The following MFSD2B variants were observed in gnomAD, a reference collection of about 807,000 sequenced individuals.
The protein encoded by MFSD2B is sphingosine-1-phosphate transporter MFSD2B.
In MFSD2B, 56 loss-of-function variants were observed where a neutral mutation model predicts 58.4. The observed-to-expected ratio is 0.96, with a 90% CI of 0.77 to 1.20. MFSD2B has a LOEUF of 1.20. Ranked by LOEUF, MFSD2B falls within the 50% of genes most tolerant of loss-of-function variation. MFSD2B has a pLI of 0.00. For missense variants in MFSD2B, 645 were observed against 667.6 expected, an observed-to-expected ratio of 0.97 and a Z score of 0.37; for synonymous variants, 287 against 294.4, an observed-to-expected ratio of 0.97 and a Z score of 0.26.
Position 24,025,470 on chromosome 2 carries a change from G to T in MFSD2B, c.*14G>T. On this transcript the variant is annotated 3_prime_UTR_variant, in exon 14 of 14. Coordinates refer to ENST00000338315, the MANE Select transcript of MFSD2B (RefSeq NM_001346880.2). Reference sequence around the variant, plus strand: ...AGCCTGGCCTAAAGCTTAGGAGGGCGACTGTGAATGGACACAGGAGCCAGC... The same window carrying T: ...AGCCTGGCCTAAAGCTTAGGAGGGCTACTGTGAATGGACACAGGAGCCAGC... The T allele has an allele frequency of 6.5e-7, 1 of 1,535,676 alleles. No individual in the cohort carries two copies.
intron 3 of MFSD2B, 35 bp from the exon 4 acceptor site, chr2:24,016,810 C>T (rs759669239): frequency 5.6e-6 from 9 of 1,608,392 alleles, no homozygotes; most frequent in Admixed American, 1.7e-5. Context: ...CTGTCTGGGT[C>T]GGGGGGCCGC....
At position 24,017,527 on chromosome 2, in the gene MFSD2B, A is replaced by T; in HGVS notation, c.620A>T (p.His207Leu). 1.3e-6 allele frequency: 2 copies of T among 1,579,072 alleles called. No homozygotes were observed. ...CACGGGCTCATCGTGTCCGGCGCCC[A>T]CAGACCCCACAGGTGCGAGGCCACT... ...TVHGLIVSGA[H>L]RPHRCEATAT... The change falls in exon 6 of 14, where the codon CAC becomes CTC. Residue 207 changes from histidine (H) to leucine (L), a missense_variant. Physicochemically the swap from His to Leu is moderately conservative, Grantham distance 99. Coordinates refer to ENST00000338315, the MANE Select transcript of MFSD2B (RefSeq NM_001346880.2). The surrounding 1 kb of genome is among the most constrained non-coding windows in gnomAD (Gnocchi z 4.8).
At chr2:24,010,214 G>A (rs1708907758) in intron 1 of MFSD2B, 22 bp downstream of exon 1, 1 of 1,364,152 alleles carries the variant, frequency 7.3e-7, no homozygotes, top group South Asian at 1.7e-5. Context: ...GGCGGGGACC[G>A]GGAAGGGGCT....
In MFSD2B at chr2:24,017,525, C is replaced by T. The variant is rs1192746838; in HGVS notation, c.618C>T (p.Ala206=). 1.9e-6 allele frequency: 3 copies of T among 1,578,992 alleles called. No individual in the cohort carries two copies. The highest frequency in any genetic ancestry group is 1.3e-5 in the African/African-American group (1 of 74,236). Residue 206 remains alanine, a synonymous_variant, in exon 6 of 14, where the codon GCC becomes GCT. Coordinates refer to ENST00000338315, the MANE Select transcript of MFSD2B (RefSeq NM_001346880.2). This position sits in a 1 kb window ranked among gnomAD's most constrained non-coding sequence, Gnocchi z 4.8. ...ATVHGLIVSG[A]HRPHRCEATA... is the part of the protein sequence containing the mutation. ...TCCACGGGCTCATCGTGTCCGGCGC[C>T]CACAGACCCCACAGGTGCGAGGCCA... is the stretch of plus-strand genomic sequence containing the variant.
Position 24,023,016 on chromosome 2 carries a change from T to C in MFSD2B, c.1059+114T>C. On this transcript the variant is annotated intron_variant, in intron 10 of 13. Coordinates refer to ENST00000338315, the MANE Select transcript of MFSD2B (RefSeq NM_001346880.2). This position sits in a 1 kb window ranked among gnomAD's most constrained non-coding sequence, Gnocchi z 5.0. ...AGGGGTGGATCTGTGTTCCCTTGAGTCTTTAGGGCCTAGCACAGGGCAAGG... is the reference window on the plus strand; with the variant it reads ...AGGGGTGGATCTGTGTTCCCTTGAGCCTTTAGGGCCTAGCACAGGGCAAGG... 7.5e-7 allele frequency: 1 copy of C among 1,335,510 alleles called. No homozygotes were observed. Among genetic ancestry groups the C allele is most frequent in the Non-Finnish European group, 1.1e-6 (1 of 940,136 alleles). The allele number at this position is 1,335,510 out of a possible 1,614,324, so 82.7% of individuals were successfully genotyped here.
In MFSD2B at chr2:24,022,713, C is replaced by A. The variant is rs538231603; in HGVS notation, c.979-109C>A. 18 of 932,588 alleles carry A rather than the reference C, an allele frequency of 1.9e-5. No individual in the cohort carries two copies. The African/African-American group carries it at 3.0e-4, about 16-fold the overall frequency. 57.8% of individuals were successfully genotyped at this position (932,588 alleles called of 1,614,324 possible). A position where few individuals can be genotyped will look rare whatever the true frequency, so the allele number is the denominator to read the frequency against. ...CAACATTCATAGCCACCGGTTTGAA[C>A]CAGGGGCAAGGCCAAGGTCAGGCAT... is the stretch of plus-strand genomic sequence containing the variant. On this transcript the variant is annotated intron_variant, in intron 9 of 13. Coordinates refer to ENST00000338315, the MANE Select transcript of MFSD2B (RefSeq NM_001346880.2). This position sits in a 1 kb window ranked among gnomAD's most constrained non-coding sequence, Gnocchi z 4.5.
In MFSD2B at chr2:24,021,882, G is replaced by A. The variant is rs764858377; in HGVS notation, c.806G>A (p.Ser269Asn). 2 of 1,613,906 alleles carry A rather than the reference G, an allele frequency of 1.2e-6. No individual in the cohort carries two copies. The highest frequency in any genetic ancestry group is 1.3e-5 in the African/African-American group (1 of 74,948). Reference protein sequence around the residue: ...PSAPASGPGLSFLAGLSLTTR... With the variant: ...PSAPASGPGLNFLAGLSLTTR... ...GCCCCAGCCTCAGGCCCAGGCTTGA[G>A]TTTCCTGGCTGGGCTGAGCCTCACT... Residue 269 changes from serine to asparagine, a missense_variant, in exon 8 of 14, where the codon AGT (serine) becomes AAT (asparagine). By Grantham distance (46) the Ser-to-Asn change is conservative. Coordinates refer to ENST00000338315, the MANE Select transcript of MFSD2B (RefSeq NM_001346880.2). This position sits in a 1 kb window ranked among gnomAD's most constrained non-coding sequence, Gnocchi z 5.7.
chr2:24,012,153 C>A lies in MFSD2B; in HGVS notation c.97-1132C>A, dbSNP rs1303951791. Among the ~76,000 whole-genome samples the A allele has an allele frequency of 6.7e-5, 4 of 59,412 alleles. No individual in the cohort carries two copies. The highest frequency in any genetic ancestry group is 1.5e-3 in the East Asian group (2 of 1,314). 39.0% of individuals were successfully genotyped at this position (59,412 alleles called of 152,430 possible). ...GAAACAAACAAACAAACAAACAAAA[C>A]ACACACACACACACACACACACACA... On this transcript the variant is annotated intron_variant, in intron 1 of 13. Transcript: ENST00000338315. The surrounding 1 kb of genome is among the most constrained non-coding windows in gnomAD (Gnocchi z 4.5).
chr2:24,010,116 C>T lies in MFSD2B; in HGVS notation c.20C>T (p.Pro7Leu). The T allele has an allele frequency of 6.8e-7, 1 of 1,460,940 alleles. No homozygotes were observed. The highest frequency in any genetic ancestry group is 1.5e-5 in the African/African-American group (1 of 68,050). The allele number at this position is 1,460,940 out of a possible 1,614,324, so 90.5% of individuals were successfully genotyped here. ...GTGGCAATGGCGGCGCCCCCTGCAC[C>T]AGCCGCCAAGGGGTCCCCGCAGCCG... MAAPPA[P>L]AAKGSPQPEP... The change falls in exon 1 of 14, where the codon CCA becomes CTA. Residue 7 changes from proline (P) to leucine (L), a missense_variant. Transcript: ENST00000338315.
chr2:24,013,885 G>C (rs1709045955), intron 2 of MFSD2B, among the ~76,000 whole-genome samples: 1 of 147,720 alleles, frequency 6.8e-6, no homozygotes, highest in South Asian at 2.2e-4. Context: ...TGTTGCCCAG[G>C]CTGGAGTGCA....
chr2:24,010,866 A>G (rs988754424), intron 1 of MFSD2B, among the ~76,000 whole-genome samples: 2 of 152,120 alleles, frequency 1.3e-5, no homozygotes, highest in Admixed American at 1.3e-4. Flanking sequence ...CTCAGCCCCC[A>G]GCCTGTTCAG....
At chr2:24,014,003 G>A (rs1479207831) in intron 2 of MFSD2B, among the ~76,000 whole-genome samples, 5 of 150,452 alleles carry the variant, frequency 3.3e-5, no homozygotes, top group Non-Finnish European at 5.9e-5. Context: ...CACCACACTC[G>A]GCTAATTTGT....
rs1391026704 is a variant in MFSD2B, at chr2:24,016,051, T to C, written c.223-105T>C. 6.3e-6 allele frequency: 9 copies of C among 1,417,372 alleles called. No individual in the cohort carries two copies. In the Admixed American group the frequency reaches 1.3e-4, roughly 21 times the overall value. The allele number at this position is 1,417,372 out of a possible 1,614,324, so 87.8% of individuals were successfully genotyped here. ...AGCCCTTGACACTGTGGCTCTGCCCTCCGGTCCCGGTTCCCAGGCCTCCCT... is the reference window on the plus strand; with the variant it reads ...AGCCCTTGACACTGTGGCTCTGCCCCCCGGTCCCGGTTCCCAGGCCTCCCT... On this transcript the variant is annotated intron_variant, in intron 2 of 13. Coordinates refer to ENST00000338315, the MANE Select transcript of MFSD2B (RefSeq NM_001346880.2).
rs1359699623 is a variant in MFSD2B, at chr2:24,024,136, A to G, written c.1355A>G (p.Glu452Gly). The G allele has an allele frequency of 3.1e-6, 5 of 1,613,832 alleles. No individual in the cohort carries two copies. Among genetic ancestry groups the G allele is most frequent in the Middle Eastern group, 1.6e-4 (1 of 6,062 alleles). ...YKAGVCKQAE[E>G]VVVTLKVLIG... ...GCAGGGGTCTGCAAGCAAGCAGAGG[A>G]GGTGGTGGTCACCCTCAAAGTCCTC... is the stretch of plus-strand genomic sequence containing the variant. Residue 452 changes from glutamate (E) to glycine (G), a missense_variant, in exon 13 of 14, where the codon GAG becomes GGG. By Grantham distance (98) the Glu-to-Gly change is moderately conservative (BLOSUM62 -2). Coordinates refer to ENST00000338315, the MANE Select transcript of MFSD2B (RefSeq NM_001346880.2). The surrounding 1 kb of genome is among the most constrained non-coding windows in gnomAD (Gnocchi z 4.3).
At position 24,023,102 on chromosome 2, in the gene MFSD2B, G is replaced by A. The variant is rs374295805; in HGVS notation, c.1060-28G>A. On this transcript the variant is annotated intron_variant, in intron 10 of 13. Coordinates refer to ENST00000338315, the MANE Select transcript of MFSD2B (RefSeq NM_001346880.2). The surrounding 1 kb of genome is among the most constrained non-coding windows in gnomAD (Gnocchi z 5.0). ...CAGGCCCCACGAAGAAGCAGGTGGC[G>A]GGACAGCTGGTGTGTGTGTCTCCCC... The A allele has an allele frequency of 3.1e-5, 49 of 1,582,770 alleles. No homozygotes were observed. Among genetic ancestry groups the A allele is most frequent in the African/African-American group, 1.3e-4 (10 of 74,360 alleles).
Position 24,023,403 on chromosome 2 carries a change from G to A in MFSD2B, c.1169+164G>A, listed in dbSNP as rs1662869328. 1.1e-6 allele frequency: 1 copy of A among 920,450 alleles called. No individual in the cohort carries two copies. Among genetic ancestry groups the A allele is most frequent in the South Asian group, 1.6e-5 (1 of 63,916 alleles). 57.0% of individuals were successfully genotyped at this position (920,450 alleles called of 1,614,324 possible). On this transcript the variant is annotated intron_variant, in intron 11 of 13. Transcript: ENST00000338315. The surrounding 1 kb of genome is among the most constrained non-coding windows in gnomAD (Gnocchi z 5.0). ...AGGACATCAGGCAGTAGGAATGGCG[G>A]GGGGCCGGCAGGGGGCTGGCGGGGG...
chr2:24,025,379 A>C, intron 13 of MFSD2B, 53 bp from the exon 14 acceptor site: 2 of 1,507,292 alleles, frequency 1.3e-6, no homozygotes, highest in Non-Finnish European at 1.8e-6. Context: ...GCGGCAGGAC[A>C]GAGGGCCCAC....
In MFSD2B at chr2:24,021,354, GCAGT is replaced by G. The variant is rs1052998046; in HGVS notation, c.682-291_682-288del. ...AGGGCCTGGCATGCGGAAGGCAGCA[GCAGT>G]CAATGTTTGCTTCATAGAATGTGGG... On this transcript the variant is annotated intron_variant, in intron 6 of 13. Transcript: ENST00000338315. The surrounding 1 kb of genome is among the most constrained non-coding windows in gnomAD (Gnocchi z 5.7). 2.6e-5 allele frequency among the ~76,000 whole-genome samples: 4 copies of G among 152,204 alleles called. No homozygotes were observed. The highest frequency in any genetic ancestry group is 4.8e-5 in the African/African-American group (2 of 41,448).
At position 24,022,631 on chromosome 2, in the gene MFSD2B, T is replaced by C. The variant is rs1662836297; in HGVS notation, c.978+115T>C. ...GTTCTGGTGGTCAACATTTTGGACT[T>C]TGCTTTGGTCTTGGTCACCTGCATT... is the stretch of plus-strand genomic sequence containing the variant. On this transcript the variant is annotated intron_variant, in intron 9 of 13. Coordinates refer to ENST00000338315, the MANE Select transcript of MFSD2B (RefSeq NM_001346880.2). The surrounding 1 kb of genome is among the most constrained non-coding windows in gnomAD (Gnocchi z 4.5). 3 of 981,414 alleles carry C rather than the reference T, an allele frequency of 3.1e-6. No individual in the cohort carries two copies. Among genetic ancestry groups the C allele is most frequent in the African/African-American group, 1.6e-5 (1 of 61,210 alleles). 60.8% of individuals were successfully genotyped at this position (981,414 alleles called of 1,614,324 possible).
Sources: allele counts gnomAD v4.1 joint callset (sites outside exome capture counted in the v4.1 genomes callset), GRCh38; gene constraint gnomAD v4.1.1; non-coding constraint Gnocchi (gnomAD v3.1); transcripts MANE v1.5; gene names NCBI Gene and HGNC (gene_info 2026-07-23, HGNC 2026-07-21).